NAV3: variants seen among roughly 807,000 people sequenced by gnomAD.
NAV3 encodes the protein neuron navigator 3.
Under a neutral mutation model 244.7 loss-of-function variants are expected in NAV3, and 87 were observed. That is an observed-to-expected ratio of 0.36 (90% confidence interval 0.30 to 0.42). The LOEUF (loss-of-function observed/expected upper bound fraction) is 0.42. NAV3 is among the 20% of genes least tolerant of loss of function. The pLI is 1.00. For missense variants in NAV3, 2,663 were observed against 2,893.3 expected (o/e 0.92, Z 1.83); for synonymous variants, 1,126 against 1,042.2 (o/e 1.08, Z -1.55).
At chr12:78,047,086 A>C (rs1402305822) in intron 9 of NAV3, among the ~76,000 whole-genome samples, 2 of 152,130 alleles carry the variant, frequency 1.3e-5, no homozygotes, top group African/African-American at 4.8e-5. Flanking sequence ...TTTGCTTGGT[A>C]AATATTCCTC....
intron 1 of NAV3, among the ~76,000 whole-genome samples, chr12:77,915,678 T>C (rs910892231): frequency 2.0e-5 from 3 of 152,038 alleles, no homozygotes; most frequent in Non-Finnish European, 4.4e-5. Flanking sequence ...AGTTATTTCA[T>C]CTCTATGAAA....
intron 39 of NAV3, among the ~76,000 whole-genome samples, chr12:78,206,854 C>CTTTTTTT (rs10594185): frequency 4.3e-4 from 49 of 114,814 alleles, no homozygotes; most frequent in Non-Finnish European, 7.9e-4. Context: ...TTCTTTCTTA[C>CTTTTTTT]TTTTTTTTTT....
chr12:77,778,241 T>C (rs1235389309), intron 2 of NAV3, among the ~76,000 whole-genome samples: 4 of 138,132 alleles, frequency 2.9e-5, no homozygotes, highest in African/African-American at 5.3e-5. Context: ...TCTTCTTTCC[T>C]CCCCCCCGCC....
intron 1 of NAV3, among the ~76,000 whole-genome samples, chr12:77,859,323 A>ACTAC (rs1219997583): frequency 6.6e-6 from 1 of 152,090 alleles, no homozygotes; most frequent in African/African-American, 2.4e-5. Context: ...CCTGGAAACT[A>ACTAC]CTACTGTAAA....
At chr12:77,901,012 G>T (rs1274697600) in intron 1 of NAV3, among the ~76,000 whole-genome samples, 2 of 152,008 alleles carry the variant, frequency 1.3e-5, no homozygotes, top group Non-Finnish European at 2.9e-5. Context: ...CATGTTTGTT[G>T]GCCCCTTGTA....
intron 12 of NAV3, among the ~76,000 whole-genome samples, chr12:78,062,376 C>T (rs1395565685): frequency 1.3e-5 from 2 of 152,012 alleles, no homozygotes; most frequent in African/African-American, 4.8e-5. Flanking sequence ...TCCAGTGTTT[C>T]TTGTATCATG....
At chr12:78,046,577 T>C (rs1881831728) in intron 9 of NAV3, among the ~76,000 whole-genome samples, 1 of 152,246 alleles carries the variant, frequency 6.6e-6, no homozygotes, top group Non-Finnish European at 1.5e-5. Context: ...CTAATTTGAT[T>C]GCACTCTGGT....
intron 2 of NAV3, among the ~76,000 whole-genome samples, chr12:77,786,652 T>C (rs1870917065): frequency 6.6e-6 from 1 of 152,304 alleles, no homozygotes; most frequent in African/African-American, 2.4e-5. Context: ...AAAGGTATTC[T>C]TAAAATTGAT....
intron 3 of NAV3, among the ~76,000 whole-genome samples, chr12:77,946,727 C>T (rs1890383083): frequency 6.6e-6 from 1 of 152,040 alleles, no homozygotes; most frequent in African/African-American, 2.4e-5. Context: ...CCCAAATGCC[C>T]AGCAAATTAA....
At chr12:78,030,495 G>C (rs1179033830) in intron 9 of NAV3, among the ~76,000 whole-genome samples, 1 of 152,102 alleles carries the variant, frequency 6.6e-6, no homozygotes, top group Non-Finnish European at 1.5e-5. Flanking sequence ...GCGATTATTT[G>C]GCCTCTGCAC....
intron 22 of NAV3, among the ~76,000 whole-genome samples, chr12:78,154,986 A>C (rs1209298785): frequency 6.6e-6 from 1 of 152,074 alleles, no homozygotes; most frequent in Non-Finnish European, 1.5e-5. Flanking sequence ...TGATAAACTA[A>C]ACCAAGGTGA....
At chr12:77,767,393 C>T (rs1407643531) in intron 2 of NAV3, among the ~76,000 whole-genome samples, 2 of 152,290 alleles carry the variant, frequency 1.3e-5, no homozygotes, top group South Asian at 2.1e-4. Flanking sequence ...TTACTAGGGC[C>T]CACAGGGCTT....
intron 9 of NAV3, chr12:78,037,055 G>A (rs1056226910): frequency 8.5e-6 from 6 of 702,858 alleles, no homozygotes; most frequent in African/African-American, 7.0e-5. Flanking sequence ...ACTATGCAGA[G>A]CGGCGCTCAC....
intron 2 of NAV3, among the ~76,000 whole-genome samples, chr12:77,671,072 T>C (rs1387548810): frequency 2.0e-5 from 3 of 152,092 alleles, no homozygotes; most frequent in African/African-American, 7.2e-5. Flanking sequence ...CCAGAACCGG[T>C]AAATGAATTC....
chr12:77,674,202 C>T (rs1403914004), intron 2 of NAV3, among the ~76,000 whole-genome samples: 4 of 152,114 alleles, frequency 2.6e-5, no homozygotes, highest in African/African-American at 7.2e-5. Flanking sequence ...ATCTTTAGCT[C>T]ATGTGGTTTG....
In NAV3 at chr12:77,622,477, C is replaced by T. The variant is rs144098901; in HGVS notation, c.72+50211C>T. On this transcript the variant is annotated intron_variant, in intron 2 of 8. Coordinates refer to the NAV3 transcript ENST00000550042. ...CCCGGCCCCCAAGCTGTCTGGTTTT[C>T]TACACCACCACATTGATCAAGGTCC... 1.5e-4 allele frequency among the ~76,000 whole-genome samples: 22 copies of T among 148,938 alleles called. No individual in the cohort carries two copies. In the East Asian group the frequency reaches 4.0e-3, roughly 27 times the overall value.
At chr12:77,920,670 T>A (rs1046171718) in intron 1 of NAV3, among the ~76,000 whole-genome samples, 1 of 152,034 alleles carries the variant, frequency 6.6e-6, no homozygotes, top group Non-Finnish European at 1.5e-5. Flanking sequence ...TCAAACACCT[T>A]CTGGTTCATG....
intron 2 of NAV3, among the ~76,000 whole-genome samples, chr12:77,805,857 C>G (rs1871950491): frequency 6.6e-6 from 1 of 152,104 alleles, no homozygotes; most frequent in South Asian, 2.1e-4. Context: ...TGTTATTGGT[C>G]TATTCAGGGA....
chr12:77,887,122 T>A (rs1565890768), intron 1 of NAV3, among the ~76,000 whole-genome samples: 1 of 152,116 alleles, frequency 6.6e-6, no homozygotes, highest in Non-Finnish European at 1.5e-5. Flanking sequence ...TCAGCATAGG[T>A]GCATTTAATT....
Sources: allele counts gnomAD v4.1 joint callset (sites outside exome capture counted in the v4.1 genomes callset), GRCh38; gene constraint gnomAD v4.1.1; transcripts MANE v1.5; gene names NCBI Gene and HGNC (gene_info 2026-07-23, HGNC 2026-07-21).